Variants in CDH18 observed in about 807,000 individuals in gnomAD.
CDH18 encodes cadherin-18.
Under a neutral mutation model 67.9 loss-of-function variants are expected in CDH18, and 31 were observed. The ratio of observed to expected loss-of-function variants is 0.46; its 90% CI spans 0.34 to 0.62. CDH18 has a LOEUF of 0.62. Among genes scored for constraint, CDH18 ranks in the 20% least tolerant of loss-of-function variants. The pLI is 0.01. For missense variants in CDH18, 890 were observed against 975.5 expected, an observed-to-expected ratio of 0.91 and a Z score of 1.17; for synonymous variants, 362 against 347.2, an observed-to-expected ratio of 1.04 and a Z score of -0.48.
intron 2 of CDH18, among the ~76,000 whole-genome samples, chr5:20,089,294 A>G (rs1158997179): frequency 1.3e-5 from 2 of 152,084 alleles, no homozygotes; most frequent in South Asian, 4.1e-4. Context: ...TAAAATAAAA[A>G]TCTGAATGGT....
intron 7 of CDH18, among the ~76,000 whole-genome samples, chr5:19,587,342 T>G (rs912564411): frequency 6.6e-6 from 1 of 152,222 alleles, no homozygotes; most frequent in African/African-American, 2.4e-5. Context: ...GCTTTAGGGC[T>G]CTTCGTCATG....
chr5:19,843,095 A>T (rs1332338037), intron 2 of CDH18, among the ~76,000 whole-genome samples: 1 of 152,232 alleles, frequency 6.6e-6, no homozygotes, highest in East Asian at 1.9e-4. Context: ...CCAGCTTGAG[A>T]AATTTGCATA....
At chr5:19,859,989 G>GTGTGTGTGTGT (rs1784707651) in intron 2 of CDH18, among the ~76,000 whole-genome samples, 7 of 143,248 alleles carry the variant, frequency 4.9e-5, no homozygotes, top group African/African-American at 1.8e-4. Context: ...GTTTGCTTTG[G>GTGTGTGTGTGT]GTGTGTGTGT....
chr5:20,429,236 T>C (rs10062513), intron 1 of CDH18, among the ~76,000 whole-genome samples: 33,564 of 152,016 alleles, frequency 0.22, 3,882 homozygotes, highest in East Asian at 0.31. Flanking sequence ...AACACTTTTC[T>C]TACCACAAGG....
At chr5:19,627,503 T>C (rs972313990) in intron 5 of CDH18, among the ~76,000 whole-genome samples, 1 of 152,200 alleles carries the variant, frequency 6.6e-6, no homozygotes, top group South Asian at 2.1e-4. Context: ...CAACAACTGA[T>C]TGGTTATGGA....
chr5:20,262,671 A>G (rs1453088370), intron 1 of CDH18, among the ~76,000 whole-genome samples: 2 of 152,120 alleles, frequency 1.3e-5, no homozygotes, highest in Non-Finnish European at 2.9e-5. Flanking sequence ...GTGATGCTAA[A>G]AAGAAATGCT....
At chr5:20,096,487 G>A (rs988142949) in intron 2 of CDH18, among the ~76,000 whole-genome samples, 19 of 152,106 alleles carry the variant, frequency 1.2e-4, no homozygotes, top group Admixed American at 1.0e-3. Context: ...AAATATGTGT[G>A]AAAATATAAA....
At chr5:19,894,886 C>A (rs949882051) in intron 2 of CDH18, among the ~76,000 whole-genome samples, 1 of 152,110 alleles carries the variant, frequency 6.6e-6, no homozygotes, top group Non-Finnish European at 1.5e-5. Context: ...TGAGGTTAGT[C>A]TTTAAGTCCT....
rs193297960 is a variant in CDH18, at chr5:19,549,143, A to C, written c.1254-5138T>G. ...ATCTCATATTAAAAGCTAATTCCCA[A>C]TATTGGAGGTGAGGCCAGGTGGGAG... On this transcript the variant is annotated intron_variant, in intron 8 of 12. Coordinates refer to ENST00000382275, the MANE Select transcript of CDH18 (RefSeq NM_004934.5). Among the ~76,000 whole-genome samples, 278 of 152,260 alleles carry C rather than the reference A, an allele frequency of 1.8e-3. 1 individual carries two copies. The Middle Eastern group carries it at 0.024, about 13-fold the overall frequency.
At chr5:19,816,920 T>C (rs1462890677) in intron 3 of CDH18, among the ~76,000 whole-genome samples, 1 of 151,702 alleles carries the variant, frequency 6.6e-6, no homozygotes, top group East Asian at 1.9e-4. Context: ...CAAAACATCA[T>C]GAACAAAGTT....
intron 2 of CDH18, among the ~76,000 whole-genome samples, chr5:20,060,961 A>G (rs573435844): frequency 3.0e-4 from 45 of 152,184 alleles, no homozygotes; most frequent in African/African-American, 9.9e-4. Context: ...AAAAAAAAAG[A>G]TGCTTCAAAA....
chr5:19,620,429 A>C (rs1750518181), intron 5 of CDH18, among the ~76,000 whole-genome samples: 1 of 152,130 alleles, frequency 6.6e-6, no homozygotes, highest in Non-Finnish European at 1.5e-5. Flanking sequence ...CTGACACAAA[A>C]ATCTTCATGC....
chr5:20,303,446 C>A (rs1736117197), intron 1 of CDH18, among the ~76,000 whole-genome samples: 1 of 152,250 alleles, frequency 6.6e-6, no homozygotes, highest in East Asian at 1.9e-4. Flanking sequence ...GTCCTGAATT[C>A]TCGTGAAGCA....
chr5:19,930,834 T>C (rs971193039), intron 2 of CDH18, among the ~76,000 whole-genome samples: 3 of 151,980 alleles, frequency 2.0e-5, no homozygotes, highest in African/African-American at 7.2e-5. Context: ...AATTAAAAAA[T>C]CAAGAAACAG....
intron 1 of CDH18, among the ~76,000 whole-genome samples, chr5:20,470,137 G>A (rs1751943882): frequency 6.6e-6 from 1 of 152,076 alleles, no homozygotes; most frequent in African/African-American, 2.4e-5. Context: ...ACTGGGAAGT[G>A]CATGTATTGA....
At chr5:20,218,097 T>C (rs114479050) in intron 2 of CDH18, among the ~76,000 whole-genome samples, 2,380 of 152,002 alleles carry the variant, frequency 0.016, 34 homozygotes, top group South Asian at 0.046. Context: ...ACTTTCAGCA[T>C]TGAACAGGTC....
intron 1 of CDH18, among the ~76,000 whole-genome samples, chr5:20,373,323 G>C (rs1046189807): frequency 6.6e-6 from 1 of 152,084 alleles, no homozygotes; most frequent in Non-Finnish European, 1.5e-5. Context: ...AGATGCTTCA[G>C]TTTCCTTTCT....
At chr5:19,922,354 C>T (rs543331891) in intron 2 of CDH18, among the ~76,000 whole-genome samples, 1 of 152,250 alleles carries the variant, frequency 6.6e-6, no homozygotes, top group Non-Finnish European at 1.5e-5. Context: ...GAAATTACTA[C>T]AAAATGGTGC....
intron 9 of CDH18, among the ~76,000 whole-genome samples, chr5:19,530,276 C>A (rs1350677870): frequency 2.6e-5 from 4 of 151,430 alleles, no homozygotes; most frequent in Non-Finnish European, 5.9e-5. Context: ...TAAAACATGG[C>A]CCAAAGGAAA....
Sources: gnomAD v4.1 joint callset for allele counts (sites outside exome capture counted in the v4.1 genomes callset) on GRCh38, gnomAD v4.1.1 for gene constraint, MANE v1.5 for transcripts, NCBI Gene and HGNC (gene_info 2026-07-23, HGNC 2026-07-21) for gene names.